CPQ: variants seen among roughly 807,000 people sequenced by gnomAD.
The protein encoded by CPQ is carboxypeptidase Q, also known as Ser-Met dipeptidase.
A neutral mutation model predicts 45.7 loss-of-function variants in CPQ; 37 were observed. The ratio of observed to expected loss-of-function variants is 0.81; its 90% CI spans 0.62 to 1.07. The LOEUF (loss-of-function observed/expected upper bound fraction) is 1.07, where lower values mean the gene tolerates loss of function less well. CPQ is among the 50% of genes least tolerant of loss of function. The pLI is 0.00. For missense variants in CPQ, 537 were observed against 572.9 expected (o/e 0.94, Z 0.64); for synonymous variants, 186 against 205.8 (o/e 0.90, Z 0.82).
At chr8:96,999,676 T>C (rs561165345) in intron 5 of CPQ, among the ~76,000 whole-genome samples, 1 of 152,240 alleles carries the variant, frequency 6.6e-6, no homozygotes, top group South Asian at 2.1e-4. Flanking sequence ...GTCTTTGCTA[T>C]TGTGAATAGT....
intron 5 of CPQ, among the ~76,000 whole-genome samples, chr8:96,985,346 C>G (rs1417835186): frequency 2.6e-5 from 4 of 151,670 alleles, no homozygotes; most frequent in African/African-American, 7.3e-5. Context: ...TTCTGTCCTT[C>G]TGTAATCCAT....
intron 2 of CPQ, among the ~76,000 whole-genome samples, chr8:96,830,713 T>A (rs1811445139): frequency 1.3e-5 from 2 of 152,108 alleles, no homozygotes; most frequent in Admixed American, 1.3e-4. Context: ...CCAACTCCCT[T>A]ATTAAGAGAT....
intron 4 of CPQ, among the ~76,000 whole-genome samples, chr8:96,920,431 C>T (rs1362138014): frequency 2.0e-5 from 3 of 152,124 alleles, no homozygotes; most frequent in Admixed American, 6.6e-5. Context: ...GTTTTCTTAA[C>T]AATTATAATA....
At chr8:96,882,791 A>G (rs1015189656) in intron 4 of CPQ, among the ~76,000 whole-genome samples, 3 of 152,172 alleles carry the variant, frequency 2.0e-5, no homozygotes, top group African/African-American at 7.2e-5. Flanking sequence ...GAATTGAGGT[A>G]TAACTTATAT....
chr8:97,090,805 C>T (rs192488331), intron 7 of CPQ, among the ~76,000 whole-genome samples: 1 of 152,296 alleles, frequency 6.6e-6, no homozygotes, highest in East Asian at 1.9e-4. Context: ...TTGGAATTAG[C>T]ATTTTTGCAA....
At chr8:96,728,728 C>G (rs1177352575) in intron 1 of CPQ, among the ~76,000 whole-genome samples, 1 of 152,044 alleles carries the variant, frequency 6.6e-6, no homozygotes, top group Non-Finnish European at 1.5e-5. Context: ...TGAGTCAAGC[C>G]TGCTGTTCTG....
intron 2 of CPQ, among the ~76,000 whole-genome samples, chr8:96,792,679 A>T (rs1284899819): frequency 6.6e-6 from 1 of 151,944 alleles, no homozygotes; most frequent in Admixed American, 6.6e-5. Context: ...GTAAATAGTT[A>T]CTCATTTAGT....
At chr8:96,883,368 C>T (rs921644612) in intron 4 of CPQ, among the ~76,000 whole-genome samples, 14 of 152,078 alleles carry the variant, frequency 9.2e-5, no homozygotes, top group African/African-American at 3.1e-4. Context: ...TGTATTTTGT[C>T]GGGGTAGCAC....
At chr8:96,991,800 G>A (rs944669455) in intron 5 of CPQ, among the ~76,000 whole-genome samples, 1 of 152,020 alleles carries the variant, frequency 6.6e-6, no homozygotes, top group Non-Finnish European at 1.5e-5. Flanking sequence ...CTATTATTAT[G>A]ATCCTTATTA....
At chr8:97,112,276 G>A (rs145547496) in intron 7 of CPQ, among the ~76,000 whole-genome samples, 8 of 151,622 alleles carry the variant, frequency 5.3e-5, no homozygotes, top group East Asian at 1.9e-4. Context: ...GACACTCAAC[G>A]AGTCATCTAC....
chr8:96,999,230 C>CT (rs56371640), intron 5 of CPQ, among the ~76,000 whole-genome samples: 4,383 of 142,914 alleles, frequency 0.031, 123 homozygotes, highest in African/African-American at 0.08. Flanking sequence ...TTTTCTTATC[C>CT]TTTTTTTTTT....
intron 3 of CPQ, among the ~76,000 whole-genome samples, chr8:96,870,381 G>A (rs11989258): frequency 0.04 from 6,031 of 151,870 alleles, 199 homozygotes; most frequent in African/African-American, 0.082. Flanking sequence ...GATTAAATAC[G>A]GTCATGGATG....
At chr8:97,116,888 T>A (rs1306537428) in intron 7 of CPQ, among the ~76,000 whole-genome samples, 3 of 152,232 alleles carry the variant, frequency 2.0e-5, no homozygotes, top group Admixed American at 6.5e-5. Context: ...CCTTTGGGCT[T>A]GCTGTAGATC....
chr8:96,717,576 A>G (rs1809699212), intron 1 of CPQ, among the ~76,000 whole-genome samples: 1 of 151,982 alleles, frequency 6.6e-6, no homozygotes, highest in South Asian at 2.1e-4. Flanking sequence ...TATAAATTTT[A>G]GGATTTTTTT....
chr8:96,880,003 C>G lies in CPQ; in HGVS notation c.847C>G (p.Gln283Glu), dbSNP rs149951331. The G allele has an allele frequency of 9.3e-4, 1,498 of 1,612,656 alleles. 22 individuals carry two copies. In the Admixed American group the frequency reaches 0.02, roughly 22 times the overall value. The change falls in exon 4 of 8, where the codon CAG becomes GAG. Residue 283 changes from glutamine (Q) to glutamate (E), a missense_variant and splice_region_variant. Transcript: ENST00000220763. Reference sequence around the variant, plus strand: ...GATCACTGGGAGCAAATATCCAGAACAGGTGAGTGAAGGAGAAGGCTGGCC... The same window carrying G: ...GATCACTGGGAGCAAATATCCAGAAGAGGTGAGTGAAGGAGAAGGCTGGCC... The part of the protein sequence containing the change: ...AEITGSKYPE[Q>E]VVLVSGHLDS...
intron 5 of CPQ, among the ~76,000 whole-genome samples, chr8:97,021,582 C>A (rs190757020): frequency 6.4e-4 from 98 of 152,178 alleles, no homozygotes; most frequent in African/African-American, 2.4e-3. Flanking sequence ...AACTGAGAAT[C>A]AAATCAAGAA....
chr8:96,929,742 A>G (rs1414211870), intron 4 of CPQ, among the ~76,000 whole-genome samples: 1 of 152,180 alleles, frequency 6.6e-6, no homozygotes, highest in Non-Finnish European at 1.5e-5. Context: ...AAGCACCCAA[A>G]TGAATTCTAC....
chr8:97,053,219 A>G (rs1314062274), intron 6 of CPQ, among the ~76,000 whole-genome samples: 4 of 152,220 alleles, frequency 2.6e-5, no homozygotes, highest in Admixed American at 6.5e-5. Context: ...CTGAGAGCCT[A>G]CTAAGTGCCA....
chr8:96,757,003 AT>A lies in CPQ; in HGVS notation c.-34-27856del, dbSNP rs111840846. Among the ~76,000 whole-genome samples, 182 of 152,050 alleles carry A rather than the reference AT, an allele frequency of 1.2e-3. 1 individual carries two copies. The highest frequency in any genetic ancestry group is 3.5e-3 in the African/African-American group (145 of 41,464). On this transcript the variant is annotated intron_variant, in intron 1 of 7. Coordinates refer to ENST00000220763, the MANE Select transcript of CPQ (RefSeq NM_016134.4). ...TCCTTGTTTTTCTGAAAATGTATTT[AT>A]TTTTCCCTAATCCTTGACTGATAGT...
Sources: allele counts gnomAD v4.1 joint callset (sites outside exome capture counted in the v4.1 genomes callset), GRCh38; gene constraint gnomAD v4.1.1; transcripts MANE v1.5; gene names NCBI Gene and HGNC (gene_info 2026-07-23, HGNC 2026-07-21).